Variants in GRIN3A observed in about 807,000 individuals in gnomAD.
The protein encoded by GRIN3A is glutamate receptor ionotropic, NMDA 3A.
GRIN3A carries 47 observed loss-of-function variants against 92.4 expected under a neutral mutation model. The ratio of observed to expected loss-of-function variants is 0.51; its 90% confidence interval spans 0.40 to 0.65. The LOEUF (loss-of-function observed/expected upper bound fraction) is 0.65, where lower values mean the gene tolerates loss of function less well. Ranked by LOEUF, GRIN3A falls within the 30% of genes least tolerant of loss-of-function variation. GRIN3A has a pLI of 0.00. For missense variants in GRIN3A, 1,324 were observed against 1,393.1 expected (o/e 0.95, Z 0.79); for synonymous variants, 527 against 540.6 (o/e 0.97, Z 0.35).
chr9:101,698,860 G>A (rs1189182792), intron 1 of GRIN3A, among the ~76,000 whole-genome samples: 1 of 151,980 alleles, frequency 6.6e-6, no homozygotes, highest in East Asian at 1.9e-4. Flanking sequence ...AGTAGAGATG[G>A]GGTTTCACCA....
At chr9:101,686,450 C>T (rs1829534451) in intron 2 of GRIN3A, 146 bp downstream of exon 2, 2 of 904,264 alleles carry the variant, frequency 2.2e-6, no homozygotes, top group East Asian at 4.8e-5. Context: ...GAAATACTAG[C>T]CTATATAACC....
At chr9:101,659,629 C>T (rs1197017303) in intron 3 of GRIN3A, among the ~76,000 whole-genome samples, 2 of 151,016 alleles carry the variant, frequency 1.3e-5, no homozygotes, top group African/African-American at 4.9e-5. Context: ...TTAATACTTG[C>T]TAAGAAGGTT....
At chr9:101,635,106 C>A (rs965183155) in intron 3 of GRIN3A, among the ~76,000 whole-genome samples, 1 of 152,190 alleles carries the variant, frequency 6.6e-6, no homozygotes, top group African/African-American at 2.4e-5. Context: ...GCTGCCTCTC[C>A]CTTCTTCTTT....
chr9:101,677,557 A>G (rs1829414696), intron 2 of GRIN3A, among the ~76,000 whole-genome samples: 1 of 151,630 alleles, frequency 6.6e-6, no homozygotes, highest in Non-Finnish European at 1.5e-5. Context: ...AGATCCATCT[A>G]TTTACTTCCC....
At chr9:101,695,355 G>A (rs1829672229) in intron 1 of GRIN3A, among the ~76,000 whole-genome samples, 1 of 152,148 alleles carries the variant, frequency 6.6e-6, no homozygotes, top group African/African-American at 2.4e-5. Flanking sequence ...CTAGGGGGCA[G>A]TATTATCAGC....
At chr9:101,579,392 A>G in intron 6 of GRIN3A, 32 bp from the exon 7 acceptor site, 1 of 1,607,908 alleles carries the variant, frequency 6.2e-7, no homozygotes. Flanking sequence ...AAGGCCATGA[A>G]TACAATGATA....
At chr9:101,647,089 G>A (rs1053741232) in intron 3 of GRIN3A, among the ~76,000 whole-genome samples, 3 of 151,746 alleles carry the variant, frequency 2.0e-5, no homozygotes, top group African/African-American at 7.2e-5. Context: ...TACAGTAAGG[G>A]GTTTCAGTCT....
intron 3 of GRIN3A, among the ~76,000 whole-genome samples, chr9:101,663,816 CAAT>C (rs1246168970): frequency 6.6e-6 from 1 of 151,358 alleles, no homozygotes; most frequent in African/African-American, 2.4e-5. Flanking sequence ...GCCTGTACAA[CAAT>C]GATACTAGCT....
At chr9:101,579,041 A>G (rs559930643) in intron 7 of GRIN3A, among the ~76,000 whole-genome samples, 155 bp downstream of exon 7, 12 of 152,286 alleles carry the variant, frequency 7.9e-5, no homozygotes, top group African/African-American at 2.9e-4. Flanking sequence ...AATTAATGGG[A>G]TAGAGAGAAT....
At chr9:101,712,260 C>G (rs771101591) in intron 1 of GRIN3A, among the ~76,000 whole-genome samples, 22 of 152,174 alleles carry the variant, frequency 1.4e-4, no homozygotes, top group Non-Finnish European at 2.8e-4. Context: ...CACTTACTAT[C>G]TGATGGTTTA....
At position 101,732,190 on chromosome 9, in the gene GRIN3A, A is replaced by G. The variant is rs554694981; in HGVS notation, c.699+5091T>C. ...GTAAATTATATATCCATGATGAGAT[A>G]AGGAGCTTAGGTCAGTATGAATCAA... On this transcript the variant is annotated intron_variant, in intron 1 of 8. Transcript: ENST00000361820. Among the ~76,000 whole-genome samples the G allele has an allele frequency of 2.0e-5, 3 of 152,344 alleles. No individual in the cohort carries two copies. In the East Asian group the frequency reaches 5.8e-4, roughly 29 times the overall value.
At chr9:101,677,153 T>G (rs959663485) in intron 2 of GRIN3A, among the ~76,000 whole-genome samples, 3 of 152,094 alleles carry the variant, frequency 2.0e-5, no homozygotes, top group Non-Finnish European at 4.4e-5. Context: ...CTGAATTATT[T>G]ACTATACATA....
At chr9:101,703,155 A>G (rs1217333933) in intron 1 of GRIN3A, among the ~76,000 whole-genome samples, 1 of 152,214 alleles carries the variant, frequency 6.6e-6, no homozygotes, top group Non-Finnish European at 1.5e-5. Context: ...TCCTTTGCTT[A>G]AAACACTTCA....
At position 101,670,533 on chromosome 9, in the gene GRIN3A, T is replaced by G; in HGVS notation, c.1879A>C (p.Met627Leu). ...TTGATGCTAAAGGAAGTGACTGCCA[T>G]GTGGGCAGTCCCTCTCAGGAGATCA... ...VGDLLRGTAH[M>L]AVTSFSINTA... Residue 627 changes from methionine (M) to leucine (L), a missense_variant, in exon 3 of 9, where the codon ATG becomes CTG. Met to Leu is a conservative substitution (Grantham distance 15). Transcript: ENST00000361820. The G allele has an allele frequency of 1.2e-6, 2 of 1,613,798 alleles. No homozygotes were observed.
In GRIN3A at chr9:101,687,045, A is replaced by T. The variant is rs1284686533; in HGVS notation, c.855T>A (p.Asn285Lys). Residue 285 changes from asparagine to lysine, a missense_variant, in exon 2 of 9, where the codon AAT (asparagine) becomes AAA (lysine). Transcript: ENST00000361820. ...NITDFLLLTQ[N>K]NSKFHLGSII... ...TAGAACCAAGGTGGAACTTGGAATT[A>T]TTCTGGGTAAGGAGGAGGAAGTCGG... 3 of 1,614,142 alleles carry T rather than the reference A, an allele frequency of 1.9e-6. No individual in the cohort carries two copies. The highest frequency in any genetic ancestry group is 2.5e-6 in the Non-Finnish European group (3 of 1,179,990).
At chr9:101,613,745 T>C (rs1828402677) in intron 5 of GRIN3A, among the ~76,000 whole-genome samples, 1 of 152,206 alleles carries the variant, frequency 6.6e-6, no homozygotes, top group African/African-American at 2.4e-5. Context: ...AGGAGAGGAA[T>C]GGGCTGTGCA....
intron 3 of GRIN3A, among the ~76,000 whole-genome samples, chr9:101,632,646 T>G (rs1828730878): frequency 6.6e-6 from 1 of 152,188 alleles, no homozygotes; most frequent in Admixed American, 6.5e-5. Flanking sequence ...ATATTCTTCT[T>G]TCTTTCTCTG....
intron 2 of GRIN3A, among the ~76,000 whole-genome samples, chr9:101,676,570 T>C (rs533226889): frequency 6.6e-6 from 1 of 151,996 alleles, no homozygotes; most frequent in African/African-American, 2.4e-5. Context: ...TTTTTTTCTG[T>C]GAGAACTTCA....
chr9:101,629,695 C>T (rs1828687227), intron 3 of GRIN3A, among the ~76,000 whole-genome samples: 1 of 152,174 alleles, frequency 6.6e-6, no homozygotes, highest in Non-Finnish European at 1.5e-5. Flanking sequence ...TTATTAAACA[C>T]TTATTATGCG....
Sources: allele counts gnomAD v4.1 joint callset (sites outside exome capture counted in the v4.1 genomes callset), GRCh38; gene constraint gnomAD v4.1.1; transcripts MANE v1.5; gene names NCBI Gene and HGNC (gene_info 2026-07-23, HGNC 2026-07-21).